MFSD8: variants seen among roughly 807,000 people sequenced by gnomAD.
MFSD8 encodes the protein major facilitator superfamily domain containing 8, also known as major facilitator superfamily domain-containing protein 8.
In MFSD8, 55 loss-of-function variants were observed where a neutral mutation model predicts 66.4. The ratio of observed to expected loss-of-function variants is 0.83; its 90% CI spans 0.67 to 1.04. MFSD8 has a LOEUF of 1.04. MFSD8 is among the 50% of genes least tolerant of loss of function. The pLI is 0.00. For synonymous variants in MFSD8, 202 were observed against 212.8 expected (o/e 0.95, Z 0.44); for missense variants, 550 against 627.6 (o/e 0.88, Z 1.32).
At chr4:127,964,720 C>T (rs892439675) in intron 1 of MFSD8, 25 of 397,058 alleles carry the variant, frequency 6.3e-5, no homozygotes, top group Middle Eastern at 7.9e-4. Context: ...TCCTCAAGTG[C>T]CGCCAAAGTG....
At chr4:127,934,848 C>T (rs540259559) in intron 7 of MFSD8, among the ~76,000 whole-genome samples, 5 of 151,330 alleles carry the variant, frequency 3.3e-5, no homozygotes, top group East Asian at 1.9e-4. Flanking sequence ...TGAGCCACCA[C>T]GCCCAGCCTA....
At chr4:127,925,799 T>C (rs1246793676) in intron 9 of MFSD8, among the ~76,000 whole-genome samples, 1 of 152,170 alleles carries the variant, frequency 6.6e-6, no homozygotes, top group Non-Finnish European at 1.5e-5. Flanking sequence ...TGTATGTTTA[T>C]TACAGCACTA....
chr4:127,932,866 G>A, intron 8 of MFSD8, 119 bp downstream of exon 8: 1 of 771,246 alleles, frequency 1.3e-6, no homozygotes. Flanking sequence ...TTACATCATG[G>A]TAAGAAAAAT....
intron 1 of MFSD8, among the ~76,000 whole-genome samples, chr4:127,964,505 C>T (rs887695180): frequency 1.3e-5 from 2 of 152,222 alleles, no homozygotes; most frequent in African/African-American, 2.4e-5. Context: ...TTGCCCGGGG[C>T]CGGCAGGGCC....
chr4:127,956,773 G>A (rs935520809), intron 2 of MFSD8, among the ~76,000 whole-genome samples: 7 of 147,270 alleles, frequency 4.8e-5, no homozygotes, highest in African/African-American at 1.8e-4. Context: ...AGCTGAGATC[G>A]TGCCATTGCA....
chr4:127,927,423 G>A (rs1443108038), intron 9 of MFSD8, among the ~76,000 whole-genome samples: 5 of 152,122 alleles, frequency 3.3e-5, no homozygotes, highest in East Asian at 3.9e-4. Context: ...TGATCTGCCC[G>A]CCTTGGCCTC....
rs78135115 is a variant in MFSD8 at position 127,932,805 on chromosome 4, C to A, written c.863+180G>T. Reference sequence around the variant, plus strand: ...AAGATAAGGTAGTTAAGATTATGGACAAATAATTAACTACATTCAAGTTAC... The same window carrying A: ...AAGATAAGGTAGTTAAGATTATGGAAAAATAATTAACTACATTCAAGTTAC... On this transcript the variant is annotated intron_variant, in intron 8 of 11. Coordinates refer to ENST00000641686, the MANE Select transcript of MFSD8 (RefSeq NM_001371596.2). 1.9e-3 allele frequency: 1,021 copies of A among 533,786 alleles called. 10 individuals carry two copies. Among genetic ancestry groups the A allele is most frequent in the African/African-American group, 0.019 (965 of 51,746 alleles). 33.1% of individuals were successfully genotyped at this position (533,786 alleles called of 1,614,324 possible). A position where few individuals can be genotyped will look rare whatever the true frequency, so the allele number is the denominator to read the frequency against.
At chr4:127,943,390 G>GT (rs1007166099) in intron 4 of MFSD8, 6,225 of 196,618 alleles carry the variant, frequency 0.032, 12 homozygotes, top group South Asian at 0.064. Flanking sequence ...TTTGTTTTGG[G>GT]TTTTTTTTTT....
At chr4:127,938,488 C>A (rs1292651382) in intron 7 of MFSD8, among the ~76,000 whole-genome samples, 3 of 151,180 alleles carry the variant, frequency 2.0e-5, no homozygotes, top group African/African-American at 7.3e-5. Flanking sequence ...GAGGCTGAGG[C>A]AGGAGGATGG....
Position 127,944,126 on chromosome 4 carries a change from T to C in MFSD8, c.199-134A>G, listed in dbSNP as rs1740653418. On this transcript the variant is annotated intron_variant, in intron 3 of 11. Coordinates refer to ENST00000641686, the MANE Select transcript of MFSD8 (RefSeq NM_001371596.2). ...TAACGTATAAGTTTTATAACACTATTACTTATAGTAAGGGATTCAAACTTC... is the reference window on the plus strand; with the variant it reads ...TAACGTATAAGTTTTATAACACTATCACTTATAGTAAGGGATTCAAACTTC... 2.5e-6 allele frequency: 3 copies of C among 1,193,626 alleles called. No individual in the cohort carries two copies. In the East Asian group the frequency reaches 7.4e-5, roughly 29 times the overall value. 73.9% of individuals were successfully genotyped at this position (1,193,626 alleles called of 1,614,324 possible).
Position 127,953,901 on chromosome 4 carries a change from T to C in MFSD8, c.154+3600A>G, listed in dbSNP as rs181195959. On this transcript the variant is annotated intron_variant, in intron 2 of 11. Coordinates refer to ENST00000641686, the MANE Select transcript of MFSD8 (RefSeq NM_001371596.2). ...ACCCAGTACTGAATCATGCACAACTTTGGCAAGTGAGAGAAAACAGGATGA... is the reference window on the plus strand; with the variant it reads ...ACCCAGTACTGAATCATGCACAACTCTGGCAAGTGAGAGAAAACAGGATGA... 1.8e-3 allele frequency among the ~76,000 whole-genome samples: 276 copies of C among 152,272 alleles called. 2 individuals carry two copies. The highest frequency in any genetic ancestry group is 6.3e-3 in the African/African-American group (263 of 41,538).
At chr4:127,955,844 C>T (rs899659724) in intron 2 of MFSD8, among the ~76,000 whole-genome samples, 4 of 152,144 alleles carry the variant, frequency 2.6e-5, no homozygotes, top group African/African-American at 9.6e-5. Context: ...ACTGGCCAGG[C>T]GGGGTGGCTC....
chr4:127,943,626 A>G, intron 4 of MFSD8, 126 bp downstream of exon 4: 1 of 1,151,174 alleles, frequency 8.7e-7, no homozygotes, highest in Non-Finnish European at 1.3e-6. Context: ...TTTGTTTACA[A>G]TGAGAAACAT....
At chr4:127,941,453 A>C (rs1740175360) in intron 5 of MFSD8, among the ~76,000 whole-genome samples, 1 of 152,116 alleles carries the variant, frequency 6.6e-6, no homozygotes, top group Non-Finnish European at 1.5e-5. Flanking sequence ...TGCCTTGAGG[A>C]AATACTAAAT....
intron 7 of MFSD8, among the ~76,000 whole-genome samples, chr4:127,937,422 C>G (rs1739267695): frequency 6.6e-6 from 1 of 152,162 alleles, no homozygotes; most frequent in East Asian, 1.9e-4. Context: ...CTATCCAAAT[C>G]TCTATCTTGA....
At chr4:127,941,662 A>G (rs928568557) in intron 5 of MFSD8, among the ~76,000 whole-genome samples, 7 of 152,094 alleles carry the variant, frequency 4.6e-5, no homozygotes, top group Non-Finnish European at 1.0e-4. Context: ...GGGTTTCACC[A>G]TGTTGGCCAG....
intron 3 of MFSD8, chr4:127,945,526 T>C (rs1253319011): frequency 6.6e-6 from 1 of 152,092 alleles, no homozygotes; most frequent in Non-Finnish European, 1.5e-5. Flanking sequence ...GGTTTCACCA[T>C]GTTGGCCAGG....
At chr4:127,965,045 G>A (rs1342931621) in intron 1 of MFSD8, 27 bp downstream of exon 1, 2 of 1,611,488 alleles carry the variant, frequency 1.2e-6, no homozygotes, top group Non-Finnish European at 1.7e-6. Context: ...AGGAGACTGA[G>A]GGGTCCCTCC....
chr4:127,962,568 C>T (rs1340842483), intron 1 of MFSD8, among the ~76,000 whole-genome samples: 2 of 151,622 alleles, frequency 1.3e-5, no homozygotes, highest in Non-Finnish European at 2.9e-5. Flanking sequence ...TTCATATCAG[C>T]ATCGATATTC....
Sources: allele counts gnomAD v4.1 joint callset (sites outside exome capture counted in the v4.1 genomes callset), GRCh38; gene constraint gnomAD v4.1.1; transcripts MANE v1.5; gene names NCBI Gene and HGNC (gene_info 2026-07-23, HGNC 2026-07-21).